The following COXFA4L3 variants were observed in gnomAD, a reference collection of about 807,000 sequenced individuals.
COXFA4L3 encodes cytochrome c oxidase associated subunit FA4L3, also known as MIR147B host.
At chr15:45,431,003 C>T in the COXFA4L3 span, 5 of 1,613,656 alleles carry the variant, frequency 3.1e-6, no homozygotes, top group East Asian at 1.1e-4. Flanking sequence ...TTTGTTAGCT[C>T]ATTCCCTTGG....
At chr15:45,431,957 C>A in the COXFA4L3 span, 2 of 805,058 alleles carry the variant, frequency 2.5e-6, no homozygotes, top group South Asian at 3.3e-5. Flanking sequence ...TGATCATTAG[C>A]AGACACATGC....
the COXFA4L3 span, chr15:45,431,294 A>AC: frequency 2.4e-3 from 1,014 of 420,018 alleles, 2 homozygotes; most frequent in African/African-American, 0.027. Flanking sequence ...AAAAAAAAAG[A>AC]AAAAATTTAA....
chr15:45,431,427 A>G, the COXFA4L3 span: 3 of 195,178 alleles, frequency 1.5e-5, no homozygotes, highest in Non-Finnish European at 3.1e-5. Flanking sequence ...TTTGAAATTT[A>G]AAGTTCTTCA....
the COXFA4L3 span, chr15:45,432,998 C>T: frequency 5.6e-6 from 9 of 1,613,492 alleles, no homozygotes; most frequent in Non-Finnish European, 7.6e-6. Flanking sequence ...TGCAAAATGT[C>T]CAAAGGGTGA....
the COXFA4L3 span, chr15:45,432,931 T>G: frequency 6.3e-7 from 1 of 1,585,696 alleles, no homozygotes; most frequent in Non-Finnish European, 8.5e-7. Context: ...TTTTTTTTTT[T>G]CCTTTTTTCT....
chr15:45,432,204 T>C, the COXFA4L3 span: 1 of 1,228,694 alleles, frequency 8.1e-7, no homozygotes, highest in South Asian at 1.3e-5. Context: ...AAAATAGATT[T>C]AGTACCTTAC....
chr15:45,431,959 GAC>G, the COXFA4L3 span: 2 of 824,838 alleles, frequency 2.4e-6, no homozygotes, highest in African/African-American at 3.5e-5. Flanking sequence ...ATCATTAGCA[GAC>G]ACATGCCTTA....
the COXFA4L3 span, among the ~76,000 whole-genome samples, chr15:45,431,903 C>A: frequency 6.6e-6 from 1 of 152,130 alleles, no homozygotes; most frequent in Non-Finnish European, 1.5e-5. Context: ...CATGAAACTC[C>A]CTTAGAGAAT....
At chr15:45,433,017 C>T in the COXFA4L3 span, 113 of 1,611,918 alleles carry the variant, frequency 7.0e-5, no homozygotes, top group South Asian at 5.2e-4. Context: ...GACCAAATGA[C>T]GAGCCCTCGC....
chr15:45,431,262 G>A, the COXFA4L3 span: 1 of 446,484 alleles, frequency 2.2e-6, no homozygotes, highest in Non-Finnish European at 3.9e-6. Flanking sequence ...GTCTACCAAT[G>A]GGTCAGAAAA....
chr15:45,432,280 C>A, the COXFA4L3 span: 1 of 648,464 alleles, frequency 1.5e-6, no homozygotes. Context: ...ATTTTAAGAG[C>A]CTACTCTATG....
the COXFA4L3 span, chr15:45,430,611 G>A: frequency 6.6e-6 from 4 of 601,888 alleles, no homozygotes; most frequent in Admixed American, 3.3e-5. Flanking sequence ...CGGCCCGTTC[G>A]GTTCCGGGCG....
chr15:45,431,877 A>T, the COXFA4L3 span, among the ~76,000 whole-genome samples: 2 of 152,234 alleles, frequency 1.3e-5, no homozygotes, highest in African/African-American at 4.8e-5. Flanking sequence ...ACTGATGTTT[A>T]ATGTTTGAGC....
At chr15:45,430,719 G>C in the COXFA4L3 span, 1 of 1,431,744 alleles carries the variant, frequency 7.0e-7, no homozygotes, top group Non-Finnish European at 9.6e-7. Context: ...GAGCGCGGTG[G>C]ACGGTTTGGC....
chr15:45,431,159 T>G, the COXFA4L3 span: 2 of 1,302,342 alleles, frequency 1.5e-6, no homozygotes, highest in African/African-American at 1.5e-5. Flanking sequence ...AATGTATAAG[T>G]TTCCTATTTT....
At chr15:45,432,183 C>A in the COXFA4L3 span, 1 of 1,447,728 alleles carries the variant, frequency 6.9e-7, no homozygotes, top group Non-Finnish European at 9.6e-7. Context: ...AACCTTAGCA[C>A]CTTTGTGAGC....
chr15:45,431,027 T>C, the COXFA4L3 span: 9 of 1,614,206 alleles, frequency 5.6e-6, no homozygotes, highest in South Asian at 9.9e-5. Context: ...TGTTCATGAC[T>C]GTGGCGGCGG....
the COXFA4L3 span, chr15:45,430,801 G>A: frequency 1.2e-6 from 2 of 1,611,982 alleles, no homozygotes; most frequent in Middle Eastern, 1.6e-4. Flanking sequence ...GTCATCATGA[G>A]CTTTTTCCAA....
At chr15:45,430,776 C>G in the COXFA4L3 span, 2 of 1,606,702 alleles carry the variant, frequency 1.2e-6, no homozygotes, top group East Asian at 2.2e-5. Context: ...CTAGATTTGG[C>G]AATTCTTCGC....
Sources: allele counts gnomAD v4.1 joint callset (sites outside exome capture counted in the v4.1 genomes callset), GRCh38; gene constraint gnomAD v4.1.1; transcripts MANE v1.5; gene names NCBI Gene and HGNC (gene_info 2026-07-23, HGNC 2026-07-21).